MB21D2: variants seen among roughly 807,000 people sequenced by gnomAD.
The protein encoded by MB21D2 is Mab-21 domain containing 2.
MB21D2 carries 9 observed loss-of-function variants against 33.3 expected under a neutral mutation model. That is an observed-to-expected ratio of 0.27 (90% confidence interval 0.16 to 0.47). MB21D2 has a LOEUF of 0.47. Ranked by LOEUF, MB21D2 falls within the 20% of genes least tolerant of loss-of-function variation. The pLI, the probability that MB21D2 is intolerant of heterozygous loss-of-function variation, is 0.99. For missense variants in MB21D2, 540 were observed against 624.6 expected, an observed-to-expected ratio of 0.86 and a Z score of 1.44; for synonymous variants, 241 against 236.3, an observed-to-expected ratio of 1.02 and a Z score of -0.18.
intron 1 of MB21D2, among the ~76,000 whole-genome samples, chr3:192,887,296 C>A (rs1191173427): frequency 6.6e-6 from 1 of 152,114 alleles, no homozygotes; most frequent in Non-Finnish European, 1.5e-5. Flanking sequence ...CGCCACCACA[C>A]CCAACTATTG....
chr3:192,882,736 TCC>T (rs71753026), intron 1 of MB21D2, among the ~76,000 whole-genome samples: 1,588 of 146,098 alleles, frequency 0.011, 44 homozygotes, highest in African/African-American at 0.042. Flanking sequence ...TCAACCAGTT[TCC>T]TTTTTTTTTC....
At chr3:192,883,833 T>C (rs1272134167) in intron 1 of MB21D2, among the ~76,000 whole-genome samples, 2 of 152,140 alleles carry the variant, frequency 1.3e-5, no homozygotes, top group African/African-American at 4.8e-5. Context: ...CTGGCTTCCT[T>C]GATTCCCCTT....
At chr3:192,908,742 A>G (rs1714266910) in intron 1 of MB21D2, among the ~76,000 whole-genome samples, 1 of 151,862 alleles carries the variant, frequency 6.6e-6, no homozygotes, top group African/African-American at 2.4e-5. Flanking sequence ...TCAAAGACAT[A>G]TAGGAAGGCT....
intron 1 of MB21D2, among the ~76,000 whole-genome samples, chr3:192,850,417 T>C (rs901627106): frequency 6.6e-6 from 1 of 152,210 alleles, no homozygotes; most frequent in Non-Finnish European, 1.5e-5. Flanking sequence ...TCTCTGCAAC[T>C]TGAGGTTCGA....
At chr3:192,833,741 T>G (rs1024859632) in intron 1 of MB21D2, among the ~76,000 whole-genome samples, 2 of 152,216 alleles carry the variant, frequency 1.3e-5, no homozygotes, top group Admixed American at 6.5e-5. Flanking sequence ...AAGTTGTCAA[T>G]ACTTTAGAGC....
intron 1 of MB21D2, among the ~76,000 whole-genome samples, chr3:192,909,260 A>AAT: frequency 6.7e-6 from 1 of 150,358 alleles, no homozygotes; most frequent in East Asian, 1.9e-4. Context: ...TGTCTCAAAA[A>AAT]AAAAAAATAA....
intron 1 of MB21D2, among the ~76,000 whole-genome samples, chr3:192,856,949 CAAT>C (rs1712931164): frequency 6.6e-6 from 1 of 152,016 alleles, no homozygotes; most frequent in Admixed American, 6.5e-5. Context: ...AAAATAATAA[CAAT>C]GATGAGGACA....
intron 1 of MB21D2, among the ~76,000 whole-genome samples, chr3:192,916,537 G>A (rs1055969541): frequency 2.6e-5 from 4 of 152,194 alleles, no homozygotes; most frequent in Non-Finnish European, 5.9e-5. Context: ...TTAGAGCAGC[G>A]CTACCCTGGA....
intron 1 of MB21D2, among the ~76,000 whole-genome samples, chr3:192,883,494 T>C (rs982529521): frequency 2.0e-5 from 3 of 152,056 alleles, no homozygotes; most frequent in Non-Finnish European, 4.4e-5. Flanking sequence ...GGCTGAAGCG[T>C]AGGGAATTTT....
intron 1 of MB21D2, among the ~76,000 whole-genome samples, chr3:192,819,540 T>C (rs1201504338): frequency 6.6e-6 from 1 of 152,188 alleles, no homozygotes; most frequent in Non-Finnish European, 1.5e-5. Context: ...TTGGGCTTCC[T>C]CTTATGCTTC....
At chr3:192,800,202 G>A (rs1711524448) in intron 1 of MB21D2, among the ~76,000 whole-genome samples, 1 of 152,020 alleles carries the variant, frequency 6.6e-6, no homozygotes, top group Non-Finnish European at 1.5e-5. Context: ...CACTTTCAGG[G>A]GTAATGAGTT....
At chr3:192,911,298 T>C (rs1422424222) in intron 1 of MB21D2, among the ~76,000 whole-genome samples, 1 of 152,110 alleles carries the variant, frequency 6.6e-6, no homozygotes, top group Non-Finnish European at 1.5e-5. Flanking sequence ...AGTAAAGTCC[T>C]ATTAAAACCT....
chr3:192,799,200 G>A lies in MB21D2; in HGVS notation c.662C>T (p.Ser221Phe). ...ACTACTCCCTACACCCAGAATGATG[G>A]AGATGATGGTCCCATTTTTTTCCAC... Reference protein sequence around the residue: ...EKVEKNGTIISIILGVGSSRM... With the variant: ...EKVEKNGTIIFIILGVGSSRM... The change falls in exon 2 of 2, where the codon TCC (serine) becomes TTC (phenylalanine). Residue 221 changes from serine to phenylalanine, a missense_variant. Coordinates refer to ENST00000392452, the MANE Select transcript of MB21D2 (RefSeq NM_178496.4). This position sits in a 1 kb window ranked among gnomAD's most constrained non-coding sequence, Gnocchi z 4.1. 1 of 1,614,214 alleles carries A rather than the reference G, an allele frequency of 6.2e-7. No homozygotes were observed. The highest frequency in any genetic ancestry group is 8.5e-7 in the Non-Finnish European group (1 of 1,180,040).
intron 1 of MB21D2, among the ~76,000 whole-genome samples, chr3:192,895,880 G>A (rs999703424): frequency 1.3e-5 from 2 of 152,044 alleles, no homozygotes; most frequent in Admixed American, 1.3e-4. Context: ...CTACAGATGT[G>A]TGCCACCATG....
At chr3:192,884,373 G>T (rs1017082453) in intron 1 of MB21D2, among the ~76,000 whole-genome samples, 2 of 151,612 alleles carry the variant, frequency 1.3e-5, no homozygotes, top group African/African-American at 4.9e-5. Context: ...TGTCTTTTTT[G>T]TTGTTGTTGT....
At chr3:192,832,622 G>C (rs1045083408) in intron 1 of MB21D2, among the ~76,000 whole-genome samples, 1 of 151,980 alleles carries the variant, frequency 6.6e-6, no homozygotes, top group Non-Finnish European at 1.5e-5. Flanking sequence ...AAACCCCATC[G>C]CTACTAAAAA....
At chr3:192,803,543 T>C (rs996439439) in intron 1 of MB21D2, among the ~76,000 whole-genome samples, 3 of 152,142 alleles carry the variant, frequency 2.0e-5, no homozygotes, top group Admixed American at 6.5e-5. Context: ...ACAAACGATA[T>C]GGTAACAGAA....
In MB21D2 at chr3:192,861,224, A is replaced by G. The variant is rs189574610; in HGVS notation, c.211+56406T>C. Among the ~76,000 whole-genome samples the G allele has an allele frequency of 4.1e-4, 63 of 152,312 alleles. 1 individual carries two copies. Among genetic ancestry groups the G allele is most frequent in the African/African-American group, 1.5e-3 (61 of 41,572 alleles). Reference sequence around the variant, plus strand: ...ATCTGACCTCTGGGCTCGGTTCTCAATCCTTCGAGTTACCATCTCCAAGTC... The same window carrying G: ...ATCTGACCTCTGGGCTCGGTTCTCAGTCCTTCGAGTTACCATCTCCAAGTC... On this transcript the variant is annotated intron_variant, in intron 1 of 1. Coordinates refer to ENST00000392452, the MANE Select transcript of MB21D2 (RefSeq NM_178496.4).
intron 1 of MB21D2, among the ~76,000 whole-genome samples, chr3:192,841,579 C>T (rs1356502561): frequency 1.3e-5 from 2 of 152,218 alleles, no homozygotes; most frequent in Non-Finnish European, 2.9e-5. Flanking sequence ...GAAGTGGATA[C>T]TCCAGCCCAG....
Sources: allele counts gnomAD v4.1 joint callset (sites outside exome capture counted in the v4.1 genomes callset), GRCh38; gene constraint gnomAD v4.1.1; non-coding constraint Gnocchi (gnomAD v3.1); transcripts MANE v1.5; gene names NCBI Gene and HGNC (gene_info 2026-07-23, HGNC 2026-07-21).